Variants in RNF11 observed in about 807,000 individuals in gnomAD.
RNF11 encodes the protein ring finger protein 11.
In RNF11, 4 loss-of-function variants were observed where a neutral mutation model predicts 15.8. The observed-to-expected ratio is 0.25, with a 90% CI of 0.12 to 0.58. The LOEUF (loss-of-function observed/expected upper bound fraction) is 0.58, where lower values mean the gene tolerates loss of function less well. Ranked by LOEUF, RNF11 falls within the 20% of genes least tolerant of loss-of-function variation. The pLI is 0.91. For synonymous variants in RNF11, 68 were observed against 72.3 expected (o/e 0.94, Z 0.30); for missense variants, 139 against 194.4 (o/e 0.71, Z 1.70).
At chr1:51,270,974 CTG>C (rs1035860705) in intron 2 of RNF11, among the ~76,000 whole-genome samples, 175 bp from the exon 3 acceptor site, 36 of 152,302 alleles carry the variant, frequency 2.4e-4, no homozygotes, top group East Asian at 3.9e-4. Context: ...AAATAAGAGA[CTG>C]TGGACAGATC....
intron 1 of RNF11, among the ~76,000 whole-genome samples, chr1:51,243,241 C>T (rs1365871713): frequency 6.6e-6 from 1 of 152,162 alleles, no homozygotes; most frequent in Non-Finnish European, 1.5e-5. Flanking sequence ...ATATTGTAGA[C>T]ACCCAGTGAA....
At chr1:51,264,304 A>G (rs1178418373) in intron 1 of RNF11, among the ~76,000 whole-genome samples, 84 of 110,508 alleles carry the variant, frequency 7.6e-4, no homozygotes, top group Non-Finnish European at 1.2e-3. Context: ...ATATATATAT[A>G]TATATATATA....
At chr1:51,269,155 C>G (rs187830576) in intron 1 of RNF11, among the ~76,000 whole-genome samples, 1 of 152,294 alleles carries the variant, frequency 6.6e-6, no homozygotes, top group East Asian at 1.9e-4. Flanking sequence ...TCAGACTGCT[C>G]TGTTGATTCT....
At chr1:51,261,876 A>G (rs1434803155) in intron 1 of RNF11, among the ~76,000 whole-genome samples, 1 of 151,908 alleles carries the variant, frequency 6.6e-6, no homozygotes, top group African/African-American at 2.4e-5. Flanking sequence ...TTAAATAAAA[A>G]TTTCACGGCT....
chr1:51,246,147 C>G (rs914871563), intron 1 of RNF11, among the ~76,000 whole-genome samples: 2 of 152,186 alleles, frequency 1.3e-5, no homozygotes, highest in African/African-American at 2.4e-5. Context: ...TGCCTGTAAT[C>G]CCAGCTACTT....
intron 1 of RNF11, among the ~76,000 whole-genome samples, chr1:51,252,081 C>CAAA (rs928146865): frequency 2.2e-3 from 117 of 53,580 alleles, no homozygotes; most frequent in African/African-American, 3.1e-3. Flanking sequence ...CATCTCAAAG[C>CAAA]AAAAAAAAAA....
chr1:51,266,797 C>T (rs1569685182), intron 1 of RNF11, among the ~76,000 whole-genome samples: 1 of 152,130 alleles, frequency 6.6e-6, no homozygotes, highest in Admixed American at 6.5e-5. Flanking sequence ...CTACAAAGTT[C>T]TAATATGTAT....
intron 1 of RNF11, among the ~76,000 whole-genome samples, chr1:51,259,978 G>A (rs1291121764): frequency 6.6e-6 from 1 of 152,188 alleles, no homozygotes; most frequent in East Asian, 1.9e-4. Flanking sequence ...AAGCAGAAAT[G>A]ATATTACTTT....
Position 51,271,856 on chromosome 1 carries a change from G to T in RNF11, c.*534G>T, listed in dbSNP as rs1646980270. ...TTGGAAATGGAATTCATTGCCTTAG[G>T]TCTTTTTAAATAGTGTATTATTATC... On this transcript the variant is annotated 3_prime_UTR_variant, in exon 3 of 3. Coordinates refer to ENST00000242719, the MANE Select transcript of RNF11 (RefSeq NM_014372.5). The T allele has an allele frequency of 6.5e-6, 1 of 152,832 alleles. No individual in the cohort carries two copies. Among genetic ancestry groups the T allele is most frequent in the South Asian group, 2.1e-4 (1 of 4,834 alleles). The allele number at this position is 152,832 out of a possible 1,614,324, so 9.5% of individuals were successfully genotyped here.
intron 1 of RNF11, among the ~76,000 whole-genome samples, chr1:51,239,110 A>G (rs561005906): frequency 6.6e-5 from 10 of 152,092 alleles, no homozygotes; most frequent in Admixed American, 2.0e-4. Context: ...AGGGACTCCT[A>G]TGTTGCCTAG....
intron 1 of RNF11, among the ~76,000 whole-genome samples, chr1:51,257,650 G>C (rs972386068): frequency 6.6e-6 from 1 of 151,750 alleles, no homozygotes; most frequent in Non-Finnish European, 1.5e-5. Context: ...TAGAGATGGG[G>C]TTTCGCCACA....
intron 1 of RNF11, among the ~76,000 whole-genome samples, chr1:51,259,631 A>C (rs1391898801): frequency 6.6e-6 from 1 of 152,210 alleles, no homozygotes; most frequent in Non-Finnish European, 1.5e-5. Context: ...AATTTCCTAG[A>C]CTACCTCTTA....
intron 1 of RNF11, among the ~76,000 whole-genome samples, chr1:51,261,576 G>C (rs909694029): frequency 6.6e-6 from 1 of 152,166 alleles, no homozygotes; most frequent in African/African-American, 2.4e-5. Context: ...GTCTTGCTCT[G>C]TTGCCCAGGA....
At chr1:51,259,759 T>A (rs1444563512) in intron 1 of RNF11, among the ~76,000 whole-genome samples, 1 of 152,200 alleles carries the variant, frequency 6.6e-6, no homozygotes, top group South Asian at 2.1e-4. Context: ...AATTAAAGAT[T>A]GGTGAGGAGT....
chr1:51,263,174 A>G (rs1646938579), intron 1 of RNF11, among the ~76,000 whole-genome samples: 1 of 152,174 alleles, frequency 6.6e-6, no homozygotes, highest in Non-Finnish European at 1.5e-5. Context: ...TCATTGGTTT[A>G]TATACCCAAT....
In RNF11 at chr1:51,271,490, A is replaced by G; in HGVS notation, c.*168A>G. The G allele has an allele frequency of 1.8e-6, 1 of 547,852 alleles. No individual in the cohort carries two copies. Among genetic ancestry groups the G allele is most frequent in the Non-Finnish European group, 3.2e-6 (1 of 311,418 alleles). 33.9% of individuals were successfully genotyped at this position (547,852 alleles called of 1,614,324 possible). A position where few individuals can be genotyped will look rare whatever the true frequency, so the allele number is the denominator to read the frequency against. ...GGGGAAAAAGTACGTGATATTTTAG[A>G]AACTTAGTGGGAAAAGTAGGATGGT... On this transcript the variant is annotated 3_prime_UTR_variant, in exon 3 of 3. Transcript: ENST00000242719.
chr1:51,239,029 A>C (rs111331831), intron 1 of RNF11, among the ~76,000 whole-genome samples: 3,204 of 152,122 alleles, frequency 0.021, 94 homozygotes, highest in African/African-American at 0.065. Context: ...CGCATCTGGC[A>C]TGAAGTTTTT....
chr1:51,236,623 C>A lies in RNF11; in HGVS notation c.-134C>A. The A allele has an allele frequency of 8.5e-7, 1 of 1,174,706 alleles. No homozygotes were observed. Among genetic ancestry groups the A allele is most frequent in the Non-Finnish European group, 1.2e-6 (1 of 835,380 alleles). The allele number at this position is 1,174,706 out of a possible 1,614,324, so 72.8% of individuals were successfully genotyped here. On this transcript the variant is annotated 5_prime_UTR_variant, in exon 1 of 3. Coordinates refer to ENST00000242719, the MANE Select transcript of RNF11 (RefSeq NM_014372.5). Reference sequence around the variant, plus strand: ...GCGGCCCCTCGGCGGCACCGTGGGGCGGTGGAGTCGCCTCCGCCTGATCCC... The same window carrying A: ...GCGGCCCCTCGGCGGCACCGTGGGGAGGTGGAGTCGCCTCCGCCTGATCCC...
At chr1:51,255,050 C>T (rs967484465) in intron 1 of RNF11, among the ~76,000 whole-genome samples, 1 of 152,006 alleles carries the variant, frequency 6.6e-6, no homozygotes, top group Non-Finnish European at 1.5e-5. Flanking sequence ...TTACATTGCC[C>T]CCAACATACT....
Sources: gnomAD v4.1 joint callset for allele counts (sites outside exome capture counted in the v4.1 genomes callset) on GRCh38, gnomAD v4.1.1 for gene constraint, MANE v1.5 for transcripts, NCBI Gene and HGNC (gene_info 2026-07-23, HGNC 2026-07-21) for gene names.